The following MLPH variants were observed in gnomAD, a reference collection of about 807,000 sequenced individuals.
MLPH encodes exophilin-3.
Under a neutral mutation model 72.1 loss-of-function variants are expected in MLPH, and 51 were observed. The ratio of observed to expected loss-of-function variants is 0.71; its 90% CI spans 0.56 to 0.89. The LOEUF is 0.89. MLPH is among the 40% of genes least tolerant of loss of function. The probability of loss-of-function intolerance (pLI) is 0.00; values close to 1 mark genes in which losing one functional copy is unlikely to be tolerated. For synonymous variants in MLPH, 301 were observed against 310.1 expected (o/e 0.97, Z 0.31); for missense variants, 743 against 759.9 (o/e 0.98, Z 0.26).
intron 13 of MLPH, 125 bp from the exon 14 acceptor site, chr2:237,549,096 T>C: frequency 1.2e-6 from 1 of 806,340 alleles, no homozygotes; most frequent in Non-Finnish European, 2.1e-6. Context: ...CAAATATTGC[T>C]AGAGAGCAGA....
chr2:237,488,319 G>T (rs201034029), intron 1 of MLPH, among the ~76,000 whole-genome samples: 6 of 152,140 alleles, frequency 3.9e-5, no homozygotes, highest in Admixed American at 1.3e-4. Context: ...TGCAGACCGC[G>T]TTGCTGAGCA....
chr2:237,493,179 G>A (rs1357463770), intron 1 of MLPH, among the ~76,000 whole-genome samples: 4 of 152,182 alleles, frequency 2.6e-5, no homozygotes, highest in African/African-American at 9.7e-5. Context: ...TGGGAGAGTA[G>A]GAAGTAGATC....
intron 15 of MLPH, 101 bp from the exon 16 acceptor site, chr2:237,553,465 T>G: frequency 9.2e-7 from 1 of 1,082,584 alleles, no homozygotes; most frequent in East Asian, 2.5e-5. Context: ...TGCACATCCA[T>G]GTACACACCT....
chr2:237,497,367 G>T lies in MLPH; in HGVS notation c.110+3831G>T, dbSNP rs181521155. On this transcript the variant is annotated intron_variant, in intron 2 of 15. Transcript: ENST00000264605. ...TTGAGTTTCTTATTGTTTCATTTGT[G>T]CTTGTCTTTTGTTGACTGCCCTATT... is the stretch of plus-strand genomic sequence containing the variant. 3.1e-3 allele frequency among the ~76,000 whole-genome samples: 473 copies of T among 152,340 alleles called. 1 individual carries two copies. The highest frequency in any genetic ancestry group is 5.1e-3 in the Non-Finnish European group (349 of 68,030).
chr2:237,510,993 G>A lies in MLPH; in HGVS notation c.337G>A (p.Val113Met), dbSNP rs200080796. Reference sequence around the variant, plus strand: ...AGCCTGTGCTTGTCCCTGCAGAGTCGTGAAGATCGGCTCACTGGAGTGGTA... The same window carrying A: ...AGCCTGTGCTTGTCCCTGCAGAGTCATGAAGATCGGCTCACTGGAGTGGTA... ...ICDPCHLARV[V>M]KIGSLEWYYE... The change falls in exon 4 of 16, where the codon GTG becomes ATG. Residue 113 changes from valine (V) to methionine (M), a missense_variant. Physicochemically the swap from Val to Met is conservative, Grantham distance 21. Transcript: ENST00000264605. This position sits in a 1 kb window ranked among gnomAD's most constrained non-coding sequence, Gnocchi z 4.4. 5.8e-5 allele frequency: 93 copies of A among 1,613,694 alleles called. No individual in the cohort carries two copies. Among genetic ancestry groups the A allele is most frequent in the Middle Eastern group, 1.6e-4 (1 of 6,062 alleles).
At chr2:237,506,079 G>A (rs943732458) in intron 2 of MLPH, among the ~76,000 whole-genome samples, 2 of 152,110 alleles carry the variant, frequency 1.3e-5, no homozygotes, top group African/African-American at 4.8e-5. Context: ...TTCGAAATCA[G>A]CAGTTCTCAA....
At position 237,512,739 on chromosome 2, in the gene MLPH, G is replaced by A. The variant is rs997831758; in HGVS notation, c.445+1638G>A. Among the ~76,000 whole-genome samples the A allele has an allele frequency of 6.6e-5, 10 of 152,188 alleles. No homozygotes were observed. Among genetic ancestry groups the A allele is most frequent in the South Asian group, 2.1e-4 (1 of 4,810 alleles). ...AAGGATAGAAACGACACATAACACC[G>A]GGAAAAGCCATGCTGTCAAGCATCT... On this transcript the variant is annotated intron_variant, in intron 4 of 15. Transcript: ENST00000264605. The surrounding 1 kb of genome is among the most constrained non-coding windows in gnomAD (Gnocchi z 5.5).
intron 6 of MLPH, among the ~76,000 whole-genome samples, chr2:237,525,069 C>T (rs1238922964): frequency 6.6e-6 from 1 of 152,202 alleles, no homozygotes; most frequent in Non-Finnish European, 1.5e-5. Flanking sequence ...TTCTTGAAGC[C>T]CTCAGTACCT....
At chr2:237,531,214 T>A (rs2080414108) in intron 8 of MLPH, among the ~76,000 whole-genome samples, 1 of 152,176 alleles carries the variant, frequency 6.6e-6, no homozygotes, top group African/African-American at 2.4e-5. Flanking sequence ...AGTGGCTTTC[T>A]TGACACATTC....
chr2:237,493,280 T>C (rs1184895904), intron 1 of MLPH, 123 bp from the exon 2 acceptor site: 2 of 709,866 alleles, frequency 2.8e-6, no homozygotes, highest in Middle Eastern at 2.4e-4. Flanking sequence ...GAAAACCATT[T>C]AACCCAAGTA....
intron 13 of MLPH, among the ~76,000 whole-genome samples, chr2:237,548,531 AC>A (rs2080965346): frequency 6.6e-6 from 1 of 152,218 alleles, no homozygotes; most frequent in South Asian, 2.1e-4. Flanking sequence ...AAAGAGAGCT[AC>A]AGGCCCATTT....
At chr2:237,528,889 C>T (rs1033561605) in intron 8 of MLPH, among the ~76,000 whole-genome samples, 1 of 152,158 alleles carries the variant, frequency 6.6e-6, no homozygotes, top group Non-Finnish European at 1.5e-5. Context: ...CTCCTTTCAC[C>T]GAGCATAATG....
intron 6 of MLPH, among the ~76,000 whole-genome samples, chr2:237,522,953 T>C (rs10171774): frequency 0.11 from 17,230 of 152,182 alleles, 2,899 homozygotes; most frequent in African/African-American, 0.37. Context: ...AAGAAAGACA[T>C]GAGTCCTACA....
At chr2:237,527,335 G>C in intron 7 of MLPH, 42 bp from the exon 8 acceptor site, 1 of 1,613,780 alleles carries the variant, frequency 6.2e-7, no homozygotes, top group Non-Finnish European at 8.5e-7. Context: ...TCAGCTTTCA[G>C]GTTTTCACTG....
chr2:237,499,977 C>T (rs559933791), intron 2 of MLPH, among the ~76,000 whole-genome samples: 3 of 152,256 alleles, frequency 2.0e-5, no homozygotes, highest in South Asian at 4.2e-4. Context: ...AACTCCTGGG[C>T]TCAAGTGATC....
chr2:237,545,218 GGGAC>G (rs2080886171), intron 12 of MLPH, among the ~76,000 whole-genome samples: 1 of 145,066 alleles, frequency 6.9e-6, no homozygotes, highest in Non-Finnish European at 1.5e-5. Flanking sequence ...GTGGTGAGTG[GGGAC>G]AGTGGTGAGT....
At chr2:237,489,232 G>A (rs984809781) in intron 1 of MLPH, among the ~76,000 whole-genome samples, 4 of 152,236 alleles carry the variant, frequency 2.6e-5, no homozygotes, top group African/African-American at 9.6e-5. Flanking sequence ...GGCTTTAGGT[G>A]TAAATGCAGA....
chr2:237,487,598 G>A (rs1046053951), intron 1 of MLPH, among the ~76,000 whole-genome samples, 161 bp downstream of exon 1: 1 of 152,258 alleles, frequency 6.6e-6, no homozygotes, highest in Admixed American at 6.5e-5. Context: ...AGGACAGCGC[G>A]TTCCCAGCCA....
At chr2:237,494,618 G>C (rs1379045434) in intron 2 of MLPH, among the ~76,000 whole-genome samples, 5 of 152,180 alleles carry the variant, frequency 3.3e-5, no homozygotes, top group Non-Finnish European at 5.9e-5. Flanking sequence ...AGGGTGAGAG[G>C]GATCAAGGGC....
Sources: gnomAD v4.1 joint callset for allele counts (sites outside exome capture counted in the v4.1 genomes callset) on GRCh38, gnomAD v4.1.1 for gene constraint, Gnocchi (gnomAD v3.1) non-coding constraint, MANE v1.5 for transcripts, NCBI Gene and HGNC (gene_info 2026-07-23, HGNC 2026-07-21) for gene names.